SH3GL3: variants seen among roughly 807,000 people sequenced by gnomAD.
SH3GL3 encodes SH3 domain containing GRB2 like 3, endophilin A3.
Under a neutral mutation model 47.7 loss-of-function variants are expected in SH3GL3, and 33 were observed. The ratio of observed to expected loss-of-function variants is 0.69; its 90% CI spans 0.52 to 0.92. The LOEUF is 0.92. SH3GL3 is among the 40% of genes least tolerant of loss of function. The probability of loss-of-function intolerance (pLI) is 0.00; values close to 1 mark genes in which losing one functional copy is unlikely to be tolerated. For missense variants in SH3GL3, 363 were observed against 417.8 expected (o/e 0.87, Z 1.14); for synonymous variants, 155 against 148.8 (o/e 1.04, Z -0.30).
chr15:83,578,277 C>T (rs1459852291), intron 6 of SH3GL3, among the ~76,000 whole-genome samples: 6 of 152,194 alleles, frequency 3.9e-5, no homozygotes, highest in African/African-American at 1.2e-4. Context: ...AGCCACCTGC[C>T]TCCCTCCGGA....
At chr15:83,554,328 C>T (rs1238779502) in intron 1 of SH3GL3, among the ~76,000 whole-genome samples, 1 of 152,142 alleles carries the variant, frequency 6.6e-6, no homozygotes, top group Non-Finnish European at 1.5e-5. Context: ...GCTGGGATTA[C>T]AGGCATGCGC....
At chr15:83,559,158 A>T (rs2045117407) in intron 1 of SH3GL3, 95 bp from the exon 2 acceptor site, 2 of 735,346 alleles carry the variant, frequency 2.7e-6, no homozygotes, top group East Asian at 5.4e-5. Context: ...AACAAGTTGA[A>T]TCCAAGTTTT....
intron 1 of SH3GL3, among the ~76,000 whole-genome samples, chr15:83,489,003 G>A (rs1159349379): frequency 6.6e-6 from 1 of 152,204 alleles, no homozygotes; most frequent in Non-Finnish European, 1.5e-5. Context: ...ATGATGCTGT[G>A]CATCAGGGTT....
chr15:83,485,495 T>C (rs537064155), intron 1 of SH3GL3, among the ~76,000 whole-genome samples: 2 of 152,330 alleles, frequency 1.3e-5, no homozygotes, highest in East Asian at 3.9e-4. Context: ...TATTCATTTA[T>C]TTTTTTGAGG....
chr15:83,491,175 A>C (rs1192443752), intron 1 of SH3GL3, among the ~76,000 whole-genome samples: 2 of 152,196 alleles, frequency 1.3e-5, no homozygotes, highest in South Asian at 4.1e-4. Context: ...CCCTAAGCTC[A>C]CCTGGTCAGT....
chr15:83,498,964 T>C (rs2042186088), intron 1 of SH3GL3, among the ~76,000 whole-genome samples: 1 of 152,172 alleles, frequency 6.6e-6, no homozygotes, highest in Non-Finnish European at 1.5e-5. Context: ...AATAAGCTTC[T>C]CCTCCACCTC....
chr15:83,470,975 A>G (rs1221032216), intron 1 of SH3GL3, among the ~76,000 whole-genome samples: 2 of 152,134 alleles, frequency 1.3e-5, no homozygotes, highest in East Asian at 1.9e-4. Flanking sequence ...TTCTATATAC[A>G]TTTAGAAACA....
At chr15:83,479,854 A>G (rs555255862) in intron 1 of SH3GL3, among the ~76,000 whole-genome samples, 3 of 152,174 alleles carry the variant, frequency 2.0e-5, no homozygotes, top group Non-Finnish European at 4.4e-5. Flanking sequence ...ATTATGCCTG[A>G]GTTTCCTCAT....
intron 1 of SH3GL3, among the ~76,000 whole-genome samples, chr15:83,555,965 C>G (rs1241472153): frequency 6.6e-6 from 1 of 152,086 alleles, no homozygotes; most frequent in African/African-American, 2.4e-5. Flanking sequence ...TTTAATTTAT[C>G]CTTGCTATGT....
intron 1 of SH3GL3, among the ~76,000 whole-genome samples, chr15:83,508,964 G>A (rs2042632592): frequency 6.6e-6 from 1 of 152,200 alleles, no homozygotes; most frequent in South Asian, 2.1e-4. Context: ...GAAGCAGGGA[G>A]ACTGATTAGA....
intron 1 of SH3GL3, among the ~76,000 whole-genome samples, chr15:83,501,456 G>T (rs1019810213): frequency 3.9e-5 from 6 of 152,200 alleles, no homozygotes; most frequent in African/African-American, 1.4e-4. Flanking sequence ...TCTTGGGAAG[G>T]TTAGAGGTGG....
At chr15:83,467,238 T>C (rs2151521848) in intron 1 of SH3GL3, among the ~76,000 whole-genome samples, 1 of 152,370 alleles carries the variant, frequency 6.6e-6, no homozygotes, top group East Asian at 1.9e-4. Context: ...AGACTTAGGT[T>C]GTTTTCTTTG....
At position 83,542,514 on chromosome 15, in the gene SH3GL3, A is replaced by T. The variant is rs141810627; in HGVS notation, c.46-16739A>T. 1.2e-3 allele frequency among the ~76,000 whole-genome samples: 189 copies of T among 152,260 alleles called. 2 individuals carry two copies. Among genetic ancestry groups the T allele is most frequent in the African/African-American group, 4.1e-3 (170 of 41,564 alleles). ...TTTCTCTATTTCTGTGAAGAATGTC[A>T]TTGGTAGTTTGATAAAAGTTGCATT... On this transcript the variant is annotated intron_variant, in intron 1 of 8. Coordinates refer to ENST00000427482, the MANE Select transcript of SH3GL3 (RefSeq NM_003027.5).
At chr15:83,537,738 A>G (rs2043976306) in intron 1 of SH3GL3, among the ~76,000 whole-genome samples, 1 of 152,090 alleles carries the variant, frequency 6.6e-6, no homozygotes, top group Non-Finnish European at 1.5e-5. Flanking sequence ...GCAGTTTTCT[A>G]CTATGCATAT....
At chr15:83,520,086 G>A (rs2043142861) in intron 1 of SH3GL3, among the ~76,000 whole-genome samples, 2 of 152,178 alleles carry the variant, frequency 1.3e-5, no homozygotes, top group South Asian at 2.1e-4. Context: ...AATTCCTACA[G>A]AGCAAATGTG....
At chr15:83,484,440 T>C (rs2041504293) in intron 1 of SH3GL3, among the ~76,000 whole-genome samples, 1 of 152,218 alleles carries the variant, frequency 6.6e-6, no homozygotes, top group Non-Finnish European at 1.5e-5. Context: ...ATCATAGTTA[T>C]GCCATTTCTA....
At chr15:83,500,066 G>C (rs927488027) in intron 1 of SH3GL3, among the ~76,000 whole-genome samples, 1 of 152,162 alleles carries the variant, frequency 6.6e-6, no homozygotes, top group Admixed American at 6.5e-5. Flanking sequence ...ATGATAATGA[G>C]GGGCTGAACA....
chr15:83,587,222 T>C (rs2059978908), intron 7 of SH3GL3, 136 bp downstream of exon 7: 1 of 573,832 alleles, frequency 1.7e-6, no homozygotes, highest in African/African-American at 1.9e-5. Context: ...TCACTGGCTT[T>C]CATGGTTGGA....
Position 83,618,388 on chromosome 15 carries a change from A to G in SH3GL3, c.*101A>G, listed in dbSNP as rs1056847662. The G allele has an allele frequency of 5.5e-6, 4 of 726,244 alleles. No homozygotes were observed. The highest frequency in any genetic ancestry group is 2.6e-5 in the East Asian group (1 of 38,524). 45.0% of individuals were successfully genotyped at this position (726,244 alleles called of 1,614,324 possible). A position where few individuals can be genotyped will look rare whatever the true frequency, so the allele number is the denominator to read the frequency against. ...TGTGACATCCTTTGCTCTCTGACCA[A>G]CTTAATGACTTTTGTATGTGTGCTC... On this transcript the variant is annotated 3_prime_UTR_variant, in exon 9 of 9. Transcript: ENST00000427482.
Sources: allele counts gnomAD v4.1 joint callset (sites outside exome capture counted in the v4.1 genomes callset), GRCh38; gene constraint gnomAD v4.1.1; transcripts MANE v1.5; gene names NCBI Gene and HGNC (gene_info 2026-07-23, HGNC 2026-07-21).